Variants in HHAT observed in about 807,000 individuals in gnomAD.
The protein encoded by HHAT is hedgehog acyltransferase, also known as protein-cysteine N-palmitoyltransferase HHAT.
A neutral mutation model predicts 70.8 loss-of-function variants in HHAT; 47 were observed. The observed-to-expected ratio is 0.66, with a 90% confidence interval of 0.53 to 0.85. HHAT has a LOEUF of 0.85. Among genes scored for constraint, HHAT ranks in the 40% least tolerant of loss-of-function variants. The pLI, the probability that HHAT is intolerant of heterozygous loss-of-function variation, is 0.00. For synonymous variants in HHAT, 228 were observed against 247.6 expected, an observed-to-expected ratio of 0.92 and a Z score of 0.74; for missense variants, 609 against 604.8, an observed-to-expected ratio of 1.01 and a Z score of -0.07.
intron 3 of HHAT, among the ~76,000 whole-genome samples, chr1:210,366,451 A>G (rs2088977427): frequency 6.6e-6 from 1 of 152,078 alleles, no homozygotes; most frequent in African/African-American, 2.4e-5. Flanking sequence ...ATGAAACTCC[A>G]TGTCTACTAA....
At chr1:210,487,979 C>T (rs1025374147) in intron 8 of HHAT, among the ~76,000 whole-genome samples, 3 of 152,172 alleles carry the variant, frequency 2.0e-5, no homozygotes, top group Non-Finnish European at 4.4e-5. Flanking sequence ...TTCTCTGTAG[C>T]TCAGATGATA....
At position 210,464,533 on chromosome 1, in the gene HHAT, T is replaced by G; in HGVS notation, c.885T>G (p.Phe295Leu). ...LGGLALAQVLFFYVKYLVLFG... is the reference protein window; with the variant it reads ...LGGLALAQVLLFYVKYLVLFG... ...GACTGGCGTTAGCCCAGGTGCTCTT[T>G]TTCTACGTGAAGTACTTGGTGCTCT... The change falls in exon 8 of 12, where the codon TTT (phenylalanine) becomes TTG (leucine). Residue 295 changes from phenylalanine (F) to leucine (L), a missense_variant. Physicochemically the swap from Phe to Leu is conservative, Grantham distance 22. Coordinates refer to ENST00000261458, the MANE Select transcript of HHAT (RefSeq NM_018194.6). The G allele has an allele frequency of 6.2e-7, 1 of 1,614,198 alleles. No homozygotes were observed. The highest frequency in any genetic ancestry group is 1.7e-5 in the Admixed American group (1 of 60,028).
At chr1:210,344,876 A>G (rs903577990) in intron 1 of HHAT, among the ~76,000 whole-genome samples, 1 of 152,154 alleles carries the variant, frequency 6.6e-6, no homozygotes, top group African/African-American at 2.4e-5. Context: ...AAGATGGAGC[A>G]ACAATTCAAG....
In HHAT at chr1:210,595,724, G is replaced by A. The variant is rs866329769; in HGVS notation, c.1245+7625G>A. 3.3e-5 allele frequency among the ~76,000 whole-genome samples: 5 copies of A among 152,300 alleles called. No homozygotes were observed. The South Asian group carries it at 1.0e-3, about 32-fold the overall frequency. Reference sequence around the variant, plus strand: ...CGTTTCTCTGATGGCCAGTGATGATGAGCATTTTTTCATGTGTCTTTTGGC... The same window carrying A: ...CGTTTCTCTGATGGCCAGTGATGATAAGCATTTTTTCATGTGTCTTTTGGC... On this transcript the variant is annotated intron_variant, in intron 10 of 11. Transcript: ENST00000261458.
intron 2 of HHAT, among the ~76,000 whole-genome samples, chr1:210,355,505 A>C (rs928449183): frequency 6.6e-6 from 1 of 152,344 alleles, no homozygotes; most frequent in Admixed American, 6.5e-5. Flanking sequence ...ACTATATTTT[A>C]AAGTCATCAG....
chr1:210,329,591 C>T, intron 1 of HHAT: 4 of 528,432 alleles, frequency 7.6e-6, no homozygotes, highest in Non-Finnish European at 7.3e-6. Context: ...TCCCGCTAAT[C>T]CTCACCAGAG....
chr1:210,603,768 G>T (rs1664779577), intron 10 of HHAT, among the ~76,000 whole-genome samples: 1 of 152,156 alleles, frequency 6.6e-6, no homozygotes, highest in African/African-American at 2.4e-5. Flanking sequence ...TTCTTCTAAA[G>T]TATCTCACAT....
chr1:210,428,795 G>A (rs1054933168), intron 7 of HHAT, among the ~76,000 whole-genome samples: 11 of 151,652 alleles, frequency 7.3e-5, no homozygotes, highest in Non-Finnish European at 1.5e-4. Context: ...TGGGCAAGAT[G>A]GCAAAACCCC....
At chr1:210,643,969 TA>T (rs1291329607) in intron 11 of HHAT, among the ~76,000 whole-genome samples, 2 of 152,142 alleles carry the variant, frequency 1.3e-5, no homozygotes, top group African/African-American at 4.8e-5. Flanking sequence ...AAAAGATGGA[TA>T]TTCTGAAGAA....
Position 210,334,178 on chromosome 1 carries a change from A to ATTTTTTTTTTTTTTT in HHAT, c.-44+5080_-44+5094dup, listed in dbSNP as rs3033354. ...TACTTGCTGGCCACTTTAGCGTGTC[A>ATTTTTTTTTTTTTTT]TTTTTTTTTTTTTTTTTTTTGAGAA... On this transcript the variant is annotated intron_variant, in intron 1 of 11. Coordinates refer to ENST00000261458, the MANE Select transcript of HHAT (RefSeq NM_018194.6). Among the ~76,000 whole-genome samples, 760 of 99,914 alleles carry ATTTTTTTTTTTTTTT rather than the reference A, an allele frequency of 7.6e-3. 166 individuals carry two copies. Among genetic ancestry groups the ATTTTTTTTTTTTTTT allele is most frequent in the South Asian group, 0.021 (57 of 2,682 alleles). 65.5% of individuals were successfully genotyped at this position (99,914 alleles called of 152,430 possible). A position where few individuals can be genotyped will look rare whatever the true frequency, so the allele number is the denominator to read the frequency against.
intron 4 of HHAT, among the ~76,000 whole-genome samples, chr1:210,394,626 G>A (rs796154626): frequency 1.3e-5 from 2 of 152,150 alleles, no homozygotes; most frequent in Non-Finnish European, 2.9e-5. Context: ...TTCTCACTGT[G>A]CCTCTGACGG....
chr1:210,435,683 T>C (rs1481517328), intron 7 of HHAT, among the ~76,000 whole-genome samples: 1 of 151,732 alleles, frequency 6.6e-6, no homozygotes, highest in Non-Finnish European at 1.5e-5. Flanking sequence ...CGATATCTCA[T>C]TGTGGCTTTG....
At chr1:210,374,029 C>A (rs1172902263) in intron 3 of HHAT, 1 of 152,180 alleles carries the variant, frequency 6.6e-6, no homozygotes, top group Non-Finnish European at 1.5e-5. Flanking sequence ...ACATGGAAAA[C>A]AAGAGTTAAC....
intron 9 of HHAT, among the ~76,000 whole-genome samples, chr1:210,573,346 G>A (rs1381188858): frequency 2.6e-5 from 4 of 152,114 alleles, no homozygotes; most frequent in Non-Finnish European, 5.9e-5. Flanking sequence ...CTGACCCCAC[G>A]CTACTCTTTT....
rs532870177 is a variant in HHAT at position 210,502,487 on chromosome 1, G to A, written c.1008-10666G>A. On this transcript the variant is annotated intron_variant, in intron 8 of 11. Coordinates refer to ENST00000261458, the MANE Select transcript of HHAT (RefSeq NM_018194.6). ...ATAGTACATATGTCATTTGAAAATCGCTGAATTTTTAGTGAGGCAATCTGA... is the reference window on the plus strand; with the variant it reads ...ATAGTACATATGTCATTTGAAAATCACTGAATTTTTAGTGAGGCAATCTGA... Among the ~76,000 whole-genome samples, 6 of 151,278 alleles carry A rather than the reference G, an allele frequency of 4.0e-5. No homozygotes were observed. The South Asian group carries it at 8.4e-4, about 21-fold the overall frequency.
intron 7 of HHAT, among the ~76,000 whole-genome samples, chr1:210,426,601 A>T (rs1345291567): frequency 6.6e-6 from 1 of 152,092 alleles, no homozygotes; most frequent in African/African-American, 2.4e-5. Flanking sequence ...TGAGATAATC[A>T]TGTGGTTTTT....
intron 7 of HHAT, among the ~76,000 whole-genome samples, chr1:210,434,006 A>T (rs2093317996): frequency 6.6e-6 from 1 of 151,996 alleles, no homozygotes; most frequent in South Asian, 2.1e-4. Flanking sequence ...ACTTTAGAGA[A>T]CACTGATATT....
chr1:210,500,675 A>G (rs2094736263), intron 8 of HHAT, among the ~76,000 whole-genome samples: 1 of 152,240 alleles, frequency 6.6e-6, no homozygotes, highest in African/African-American at 2.4e-5. Context: ...CTGTGGTTCC[A>G]TTAGGGATGT....
chr1:210,536,910 T>C (rs186690132), intron 9 of HHAT, among the ~76,000 whole-genome samples: 2 of 152,180 alleles, frequency 1.3e-5, no homozygotes, highest in Admixed American at 6.5e-5. Flanking sequence ...ATAAAAAATA[T>C]CACCAGATAG....
Sources: gnomAD v4.1 joint callset for allele counts (sites outside exome capture counted in the v4.1 genomes callset) on GRCh38, gnomAD v4.1.1 for gene constraint, MANE v1.5 for transcripts, NCBI Gene and HGNC (gene_info 2026-07-23, HGNC 2026-07-21) for gene names.